Variants in RAB3GAP1 observed in about 807,000 individuals in gnomAD.
RAB3GAP1 encodes RAB3 GTPase activating protein catalytic subunit 1.
In RAB3GAP1, 86 loss-of-function variants were observed where a neutral mutation model predicts 130.7. The ratio of observed to expected loss-of-function variants is 0.66; its 90% confidence interval spans 0.55 to 0.79. The LOEUF is 0.79. RAB3GAP1 is among the 30% of genes least tolerant of loss of function. The pLI, the probability that RAB3GAP1 is intolerant of heterozygous loss-of-function variation, is 0.00. For synonymous variants in RAB3GAP1, 367 were observed against 401.7 expected (o/e 0.91, Z 1.03); for missense variants, 1,029 against 1,169.4 (o/e 0.88, Z 1.75).
At chr2:135,166,275 C>T (rs1471472511) in intron 23 of RAB3GAP1, among the ~76,000 whole-genome samples, 1 of 152,092 alleles carries the variant, frequency 6.6e-6, no homozygotes, top group Non-Finnish European at 1.5e-5. Flanking sequence ...ATTATTTTCC[C>T]CAAAATAGAA....
chr2:135,115,093 T>C, intron 6 of RAB3GAP1, 123 bp from the exon 7 acceptor site: 1 of 871,498 alleles, frequency 1.1e-6, no homozygotes, highest in East Asian at 2.6e-5. Flanking sequence ...ACCTGTGTTT[T>C]TGTTGTGTTT....
intron 5 of RAB3GAP1, among the ~76,000 whole-genome samples, chr2:135,095,343 C>T (rs62170161): frequency 1.4e-4 from 22 of 152,180 alleles, no homozygotes; most frequent in African/African-American, 3.4e-4. Flanking sequence ...CCACCGCGCC[C>T]GGCCGCAGGC....
chr2:135,167,679 T>C, intron 23 of RAB3GAP1: 1 of 1,487,784 alleles, frequency 6.7e-7, no homozygotes, highest in Non-Finnish European at 9.1e-7. Flanking sequence ...TTTCTTTTCT[T>C]ACCCCTTCTC....
At chr2:135,138,562 G>A (rs1246354661) in intron 17 of RAB3GAP1, among the ~76,000 whole-genome samples, 1 of 151,436 alleles carries the variant, frequency 6.6e-6, no homozygotes, top group Non-Finnish European at 1.5e-5. Context: ...TCTCTGCATT[G>A]ATGTATAATA....
intron 5 of RAB3GAP1, among the ~76,000 whole-genome samples, chr2:135,097,744 T>G (rs1014819977): frequency 6.6e-6 from 1 of 152,224 alleles, no homozygotes; most frequent in Non-Finnish European, 1.5e-5. Context: ...CTGAGTAGTA[T>G]TTTATTGTAA....
chr2:135,158,187 A>G (rs77905285), intron 19 of RAB3GAP1, among the ~76,000 whole-genome samples: 6,386 of 152,264 alleles, frequency 0.042, 155 homozygotes, highest in African/African-American at 0.055. Flanking sequence ...TTCTTCTGAA[A>G]GAGTCTAGAA....
intron 2 of RAB3GAP1, among the ~76,000 whole-genome samples, chr2:135,055,164 TTATG>T (rs1196855030): frequency 6.6e-6 from 1 of 152,114 alleles, no homozygotes; most frequent in Non-Finnish European, 1.5e-5. Flanking sequence ...AATTATGAGT[TTATG>T]TAAGAGCTAG....
intron 2 of RAB3GAP1, among the ~76,000 whole-genome samples, chr2:135,057,441 G>A (rs1035196527): frequency 6.6e-6 from 1 of 152,118 alleles, no homozygotes; most frequent in Admixed American, 6.5e-5. Flanking sequence ...TCACTCTGTC[G>A]CCCAGGCTGG....
At chr2:135,054,929 A>G (rs1688969216) in intron 2 of RAB3GAP1, among the ~76,000 whole-genome samples, 1 of 152,246 alleles carries the variant, frequency 6.6e-6, no homozygotes. Flanking sequence ...TGTGAGTACA[A>G]TATGTTATGA....
intron 3 of RAB3GAP1, among the ~76,000 whole-genome samples, chr2:135,066,215 TG>T (rs1192865768): frequency 2.0e-5 from 3 of 152,206 alleles, no homozygotes; most frequent in Admixed American, 6.5e-5. Flanking sequence ...TGCCTGCATT[TG>T]GTCTCTCTCC....
At chr2:135,117,546 T>TCTTCTGCTG (rs1691028333) in intron 7 of RAB3GAP1, among the ~76,000 whole-genome samples, 2 of 103,950 alleles carry the variant, frequency 1.9e-5, no homozygotes, top group South Asian at 4.2e-4. Context: ...TTCTTCTGCT[T>TCTTCTGCTG]CTTCTTCTTC....
At chr2:135,117,552 T>C (rs868854878) in intron 7 of RAB3GAP1, among the ~76,000 whole-genome samples, 1 of 93,538 alleles carries the variant, frequency 1.1e-5, no homozygotes, top group African/African-American at 3.1e-5. Flanking sequence ...TGCTTCTTCT[T>C]CTTCTGCTTC....
intron 5 of RAB3GAP1, among the ~76,000 whole-genome samples, chr2:135,112,834 T>TCC (rs952841554): frequency 7.5e-6 from 1 of 132,472 alleles, no homozygotes; most frequent in African/African-American, 3.3e-5. Flanking sequence ...TCTCTCTCTC[T>TCC]CACACACACA....
chr2:135,141,451 C>G (rs75567998), intron 17 of RAB3GAP1, among the ~76,000 whole-genome samples: 17,429 of 151,962 alleles, frequency 0.11, 1,286 homozygotes, highest in South Asian at 0.32. Flanking sequence ...GTCTCGAACT[C>G]CTGACCTCGT....
intron 17 of RAB3GAP1, among the ~76,000 whole-genome samples, chr2:135,149,309 T>A (rs917356651): frequency 6.6e-5 from 10 of 152,218 alleles, no homozygotes; most frequent in African/African-American, 2.4e-4. Context: ...ATACTGACCC[T>A]TAGTCAAAGA....
At chr2:135,113,697 G>A (rs1390801658) in intron 6 of RAB3GAP1, among the ~76,000 whole-genome samples, 2 of 151,984 alleles carry the variant, frequency 1.3e-5, no homozygotes, top group Non-Finnish European at 2.9e-5. Context: ...ACCTCCACTG[G>A]TTCTGAAGAC....
At chr2:135,149,239 A>G (rs1228657933) in intron 17 of RAB3GAP1, among the ~76,000 whole-genome samples, 5 of 152,232 alleles carry the variant, frequency 3.3e-5, no homozygotes, top group South Asian at 2.1e-4. Context: ...GCTCTTGAGT[A>G]TACTCCTTCA....
downstream of RAB3GAP1, among the ~76,000 whole-genome samples, chr2:135,174,361 C>T (rs901825574): frequency 6.6e-6 from 1 of 152,218 alleles, no homozygotes; most frequent in Non-Finnish European, 1.5e-5. Context: ...AATGGCCCCT[C>T]CTCTTCAGCA....
chr2:135,151,759 A>G (rs1409968341), intron 18 of RAB3GAP1, among the ~76,000 whole-genome samples: 4 of 152,250 alleles, frequency 2.6e-5, no homozygotes, highest in African/African-American at 9.6e-5. Context: ...GTGTGTGCAC[A>G]GCAGGAAATA....
Sources: allele counts gnomAD v4.1 joint callset (sites outside exome capture counted in the v4.1 genomes callset), GRCh38; gene constraint gnomAD v4.1.1; transcripts MANE v1.5; gene names NCBI Gene and HGNC (gene_info 2026-07-23, HGNC 2026-07-21).